UBE2E3: variants seen among roughly 807,000 people sequenced by gnomAD.
UBE2E3 encodes the protein ubiquitin-conjugating enzyme E2 E3.
In UBE2E3, 5 loss-of-function variants were observed where a neutral mutation model predicts 23.6. The observed-to-expected ratio is 0.21, with a 90% CI of 0.11 to 0.44. UBE2E3 has a LOEUF of 0.44. Ranked by LOEUF, UBE2E3 falls within the 20% of genes least tolerant of loss-of-function variation. The pLI is 0.99. For missense variants in UBE2E3, 81 were observed against 249.8 expected, an observed-to-expected ratio of 0.32 and a Z score of 4.55; for synonymous variants, 78 against 87.5, an observed-to-expected ratio of 0.89 and a Z score of 0.60.
At chr2:181,030,746 C>T (rs1686051211) in intron 3 of UBE2E3, among the ~76,000 whole-genome samples, 1 of 151,974 alleles carries the variant, frequency 6.6e-6, no homozygotes, top group Non-Finnish European at 1.5e-5. Context: ...CAAGTCCCAT[C>T]TCTATATTGT....
intron 3 of UBE2E3, among the ~76,000 whole-genome samples, chr2:181,024,007 G>A (rs1028674347): frequency 2.6e-5 from 4 of 151,954 alleles, no homozygotes; most frequent in African/African-American, 9.7e-5. Context: ...TATTTCTTTT[G>A]CATTTGTAAC....
chr2:180,996,545 C>T (rs1684824429), intron 3 of UBE2E3, among the ~76,000 whole-genome samples: 1 of 152,140 alleles, frequency 6.6e-6, no homozygotes, highest in Non-Finnish European at 1.5e-5. Context: ...TTATTTTTGA[C>T]TGGATTGTGC....
At chr2:181,033,851 C>G (rs1686172208) in intron 3 of UBE2E3, among the ~76,000 whole-genome samples, 1 of 152,174 alleles carries the variant, frequency 6.6e-6, no homozygotes, top group Non-Finnish European at 1.5e-5. Context: ...ACAACCCCAT[C>G]AACAAGTGGG....
chr2:181,044,641 G>A (rs1448201249), intron 3 of UBE2E3, among the ~76,000 whole-genome samples: 1 of 152,054 alleles, frequency 6.6e-6, no homozygotes, highest in African/African-American at 2.4e-5. Flanking sequence ...CTATTATGCT[G>A]ATATAATTTT....
At chr2:180,987,428 T>G (rs1684515231) in intron 3 of UBE2E3, 1 of 1,548,380 alleles carries the variant, frequency 6.5e-7, no homozygotes. Flanking sequence ...CTAATTTCTT[T>G]CCATATAGGA....
intron 3 of UBE2E3, among the ~76,000 whole-genome samples, chr2:181,028,572 G>C (rs866113232): frequency 6.6e-6 from 1 of 152,096 alleles, no homozygotes; most frequent in Admixed American, 6.6e-5. Flanking sequence ...ACAATCTTCA[G>C]ACTTCTTGAT....
intron 3 of UBE2E3, among the ~76,000 whole-genome samples, chr2:181,011,910 T>G (rs934452762): frequency 1.3e-5 from 2 of 152,168 alleles, no homozygotes; most frequent in Non-Finnish European, 2.9e-5. Flanking sequence ...TTTTATTTGT[T>G]TTAAAATTTC....
intron 3 of UBE2E3, among the ~76,000 whole-genome samples, chr2:180,999,196 C>A (rs1256545059): frequency 6.6e-6 from 1 of 152,080 alleles, no homozygotes; most frequent in Non-Finnish European, 1.5e-5. Flanking sequence ...AATACCCCTC[C>A]ACAAAGGGTA....
intron 3 of UBE2E3, among the ~76,000 whole-genome samples, chr2:181,005,419 G>A (rs1176905054): frequency 1.3e-5 from 2 of 152,198 alleles, no homozygotes; most frequent in Admixed American, 1.3e-4. Flanking sequence ...CTATCCCCAG[G>A]ATAGGAATGG....
chr2:181,023,796 C>G (rs1310041581), intron 3 of UBE2E3, among the ~76,000 whole-genome samples: 1 of 148,900 alleles, frequency 6.7e-6, no homozygotes, highest in East Asian at 1.9e-4. Flanking sequence ...AAATATCTAC[C>G]TGATAATTTT....
intron 3 of UBE2E3, among the ~76,000 whole-genome samples, chr2:181,025,469 C>T (rs1685854882): frequency 7.1e-6 from 1 of 141,112 alleles, no homozygotes; most frequent in Admixed American, 7.3e-5. Context: ...TTTGATACTT[C>T]CTTTTCCTCT....
In UBE2E3 at chr2:181,062,205, A is replaced by G. The variant is rs554452535; in HGVS notation, c.527-586A>G. 2.6e-5 allele frequency among the ~76,000 whole-genome samples: 4 copies of G among 151,824 alleles called. No homozygotes were observed. The East Asian group carries it at 7.8e-4, about 30-fold the overall frequency. On this transcript the variant is annotated intron_variant, in intron 5 of 5. Coordinates refer to ENST00000410062, the MANE Select transcript of UBE2E3 (RefSeq NM_006357.4). ...TTTTTACTGGCTATGGTTTGGTACA[A>G]TTCAAATATTGTACCATATGTACAT...
In UBE2E3 at chr2:180,997,890, C is replaced by G. The variant is rs114290625; in HGVS notation, c.245+13797C>G. Reference sequence around the variant, plus strand: ...TTTGTGAAGCCCTTCCTGCACATATCTCTTTTGAGAGACATTTGTACTACT... The same window carrying G: ...TTTGTGAAGCCCTTCCTGCACATATGTCTTTTGAGAGACATTTGTACTACT... On this transcript the variant is annotated intron_variant, in intron 3 of 5. Coordinates refer to ENST00000410062, the MANE Select transcript of UBE2E3 (RefSeq NM_006357.4). Among the ~76,000 whole-genome samples the G allele has an allele frequency of 3.9e-3, 592 of 152,206 alleles. 4 individuals are homozygous for G. Among genetic ancestry groups the G allele is most frequent in the African/African-American group, 0.014 (575 of 41,520 alleles).
At chr2:181,013,427 G>A (rs1237241165) in intron 3 of UBE2E3, among the ~76,000 whole-genome samples, 1 of 152,128 alleles carries the variant, frequency 6.6e-6, no homozygotes, top group Non-Finnish European at 1.5e-5. Context: ...TTTTCAAGGT[G>A]GCTCACTCAC....
chr2:181,049,827 G>A (rs1559135069), intron 3 of UBE2E3, among the ~76,000 whole-genome samples: 1 of 151,880 alleles, frequency 6.6e-6, no homozygotes, highest in Non-Finnish European at 1.5e-5. Context: ...TATATAGCAC[G>A]CACACCCAGC....
At chr2:181,038,927 G>C (rs1686385889) in intron 3 of UBE2E3, among the ~76,000 whole-genome samples, 1 of 152,108 alleles carries the variant, frequency 6.6e-6, no homozygotes, top group Admixed American at 6.6e-5. Context: ...AACAGGATGA[G>C]GAAGGATGTG....
chr2:181,039,688 C>G (rs1237410661), intron 3 of UBE2E3, among the ~76,000 whole-genome samples: 1 of 152,140 alleles, frequency 6.6e-6, no homozygotes, highest in Non-Finnish European at 1.5e-5. Flanking sequence ...AAAAATTCAT[C>G]TCAATAATTT....
intron 3 of UBE2E3, chr2:180,989,900 C>CA (rs759661213): frequency 6.5e-7 from 1 of 1,548,570 alleles, no homozygotes; most frequent in South Asian, 1.2e-5. Context: ...GCAAGTCTTG[C>CA]ATAGAGTGTA....
At chr2:181,038,677 G>GA (rs775564240) in intron 3 of UBE2E3, among the ~76,000 whole-genome samples, 13 of 152,100 alleles carry the variant, frequency 8.5e-5, no homozygotes, top group Non-Finnish European at 1.5e-4. Context: ...AAAATAATTT[G>GA]AAAACCTCTG....
Sources: gnomAD v4.1 joint callset for allele counts (sites outside exome capture counted in the v4.1 genomes callset) on GRCh38, gnomAD v4.1.1 for gene constraint, MANE v1.5 for transcripts, NCBI Gene and HGNC (gene_info 2026-07-23, HGNC 2026-07-21) for gene names.